GALNT8: variants seen among roughly 807,000 people sequenced by gnomAD.
The protein encoded by GALNT8 is probable polypeptide N-acetylgalactosaminyltransferase 8.
GALNT8 carries 66 observed loss-of-function variants against 62.7 expected under a neutral mutation model. The ratio of observed to expected loss-of-function variants is 1.05; its 90% CI spans 0.86 to 1.29. The LOEUF (loss-of-function observed/expected upper bound fraction) is 1.29. Ranked by LOEUF, GALNT8 falls within the 50% of genes most tolerant of loss-of-function variation. The probability of loss-of-function intolerance (pLI) is 0.00; values close to 1 mark genes in which losing one functional copy is unlikely to be tolerated. For missense variants in GALNT8, 771 were observed against 791.8 expected (o/e 0.97, Z 0.32); for synonymous variants, 288 against 294.3 (o/e 0.98, Z 0.22).
At chr12:4,755,831 T>G (rs1166096229) in intron 6 of GALNT8, among the ~76,000 whole-genome samples, 2 of 152,206 alleles carry the variant, frequency 1.3e-5, no homozygotes, top group African/African-American at 2.4e-5. Context: ...CCAAACTCAG[T>G]GCCTTAAAGC....
chr12:4,771,068 G>A (rs901169391), intron 10 of GALNT8, among the ~76,000 whole-genome samples: 2 of 152,184 alleles, frequency 1.3e-5, no homozygotes, highest in Admixed American at 6.5e-5. Flanking sequence ...CTGATGGCTT[G>A]CAGGGGACGG....
chr12:4,745,719 G>C lies in GALNT8; in HGVS notation c.1058+93G>C. ...TGTTTATCTTTGGTGGTAGTAATTG[G>C]GGTGACGTGGAAGGAGGGGAGGGGA... On this transcript the variant is annotated intron_variant, in intron 5 of 10. Transcript: ENST00000252318. The C allele has an allele frequency of 5.4e-6, 5 of 933,126 alleles. No homozygotes were observed. In the South Asian group the frequency reaches 6.9e-5, roughly 13 times the overall value. 57.8% of individuals were successfully genotyped at this position (933,126 alleles called of 1,614,324 possible).
chr12:4,738,473 A>T (rs1946255751), intron 2 of GALNT8, among the ~76,000 whole-genome samples: 1 of 152,242 alleles, frequency 6.6e-6, no homozygotes, highest in African/African-American at 2.4e-5. Flanking sequence ...GAAAGTGCAA[A>T]GACTGCCCAT....
Position 4,739,218 on chromosome 12 carries a change from T to G in GALNT8, c.565T>G (p.Phe189Val). The G allele has an allele frequency of 6.2e-7, 1 of 1,613,136 alleles. No individual in the cohort carries two copies. The highest frequency in any genetic ancestry group is 8.5e-7 in the Non-Finnish European group (1 of 1,179,072). ...QLPSLSVILI[F>V]VNEALSIIQR... ...CCCATCCCTCAGTGTCATTCTCATA[T>G]TCGTGAATGAAGCTCTGTCCATTAT... Residue 189 changes from phenylalanine to valine, a missense_variant, in exon 3 of 11, where the codon TTC (phenylalanine) becomes GTC (valine). Transcript: ENST00000252318.
chr12:4,729,502 G>C (rs1259356631), intron 2 of GALNT8, among the ~76,000 whole-genome samples: 2 of 152,088 alleles, frequency 1.3e-5, no homozygotes, highest in African/African-American at 4.8e-5. Flanking sequence ...AACTTTTTCA[G>C]ATTCCACCTG....
intron 6 of GALNT8, among the ~76,000 whole-genome samples, chr12:4,756,995 CT>C (rs1946348286): frequency 6.6e-6 from 1 of 152,154 alleles, no homozygotes; most frequent in South Asian, 2.1e-4. Flanking sequence ...GGTGGTTCTC[CT>C]GATAGTGAGT....
chr12:4,746,627 C>T (rs1388849692), intron 6 of GALNT8, among the ~76,000 whole-genome samples: 2 of 152,130 alleles, frequency 1.3e-5, no homozygotes, highest in Admixed American at 6.5e-5. Context: ...GGCAGCGTGA[C>T]TAGGGAATGC....
chr12:4,747,581 C>T (rs1159932539), intron 6 of GALNT8, among the ~76,000 whole-genome samples: 1 of 152,024 alleles, frequency 6.6e-6, no homozygotes, highest in Admixed American at 6.6e-5. Flanking sequence ...GAATAATACT[C>T]TATTGCATAC....
At chr12:4,756,790 G>C (rs886818374) in intron 6 of GALNT8, among the ~76,000 whole-genome samples, 2 of 152,192 alleles carry the variant, frequency 1.3e-5, no homozygotes, top group African/African-American at 2.4e-5. Flanking sequence ...TGAATTTTGA[G>C]TCTTTTCTGG....
chr12:4,761,255 T>G (rs905920868), intron 7 of GALNT8, 112 bp downstream of exon 7: 18 of 796,870 alleles, frequency 2.3e-5, no homozygotes, highest in Non-Finnish European at 3.3e-5. Flanking sequence ...AGAATTAGGG[T>G]AAGGTCCTGA....
intron 10 of GALNT8, among the ~76,000 whole-genome samples, chr12:4,771,553 A>T (rs1217773329): frequency 6.6e-6 from 1 of 152,170 alleles, no homozygotes; most frequent in Non-Finnish European, 1.5e-5. Context: ...GTGCTCAAGA[A>T]CTTGGTGGCA....
chr12:4,770,502 C>G (rs1366365711), intron 10 of GALNT8, among the ~76,000 whole-genome samples: 1 of 151,792 alleles, frequency 6.6e-6, no homozygotes, highest in Non-Finnish European at 1.5e-5. Context: ...AATTATTGGT[C>G]ACAATAATTT....
At chr12:4,766,249 G>A (rs1029142363) in intron 10 of GALNT8, among the ~76,000 whole-genome samples, 2 of 152,218 alleles carry the variant, frequency 1.3e-5, no homozygotes, top group African/African-American at 2.4e-5. Flanking sequence ...ATTGGAGTCT[G>A]TTGTAGCTGA....
chr12:4,743,650 C>T (rs757761179), intron 3 of GALNT8, among the ~76,000 whole-genome samples: 34 of 152,248 alleles, frequency 2.2e-4, no homozygotes, highest in Non-Finnish European at 3.5e-4. Flanking sequence ...ACATCCAGGG[C>T]GTGCCACTTA....
chr12:4,731,483 T>A (rs1014751714), intron 2 of GALNT8, among the ~76,000 whole-genome samples: 14 of 152,226 alleles, frequency 9.2e-5, no homozygotes, highest in African/African-American at 3.4e-4. Context: ...TATTTCTTTC[T>A]CTTGCCTGAT....
chr12:4,734,622 A>G (rs935473729), intron 2 of GALNT8, among the ~76,000 whole-genome samples: 1 of 149,684 alleles, frequency 6.7e-6, no homozygotes, highest in Non-Finnish European at 1.5e-5. Context: ...TGGCGTCCAC[A>G]TGTGGCTGAT....
At chr12:4,734,597 C>G (rs10849134) in intron 2 of GALNT8, among the ~76,000 whole-genome samples, 1 of 151,606 alleles carries the variant, frequency 6.6e-6, no homozygotes, top group East Asian at 1.9e-4. Context: ...TCTTCACACC[C>G]TCCCACCTGT....
chr12:4,757,915 T>C (rs1397115410), intron 6 of GALNT8, among the ~76,000 whole-genome samples: 1 of 152,226 alleles, frequency 6.6e-6, no homozygotes, highest in Non-Finnish European at 1.5e-5. Flanking sequence ...ACCAGAGCTT[T>C]AGGTGAATTC....
Position 4,726,392 on chromosome 12 carries a change from C to A in GALNT8, c.212-140C>A. 1.6e-6 allele frequency: 1 copy of A among 637,024 alleles called. No homozygotes were observed. The allele number at this position is 637,024 out of a possible 1,614,324, so 39.5% of individuals were successfully genotyped here. On this transcript the variant is annotated intron_variant, in intron 1 of 10. Coordinates refer to ENST00000252318, the MANE Select transcript of GALNT8 (RefSeq NM_017417.2). This position sits in a 1 kb window ranked among gnomAD's most constrained non-coding sequence, Gnocchi z 4.1. The stretch of plus-strand genomic sequence containing the variant: ...GCTGGATAAGTTCCCTGACATACTA[C>A]ATCCTCTGTGACAAGAGCTTATAAG...
Sources: gnomAD v4.1 joint callset for allele counts (sites outside exome capture counted in the v4.1 genomes callset) on GRCh38, gnomAD v4.1.1 for gene constraint, Gnocchi (gnomAD v3.1) non-coding constraint, MANE v1.5 for transcripts, NCBI Gene and HGNC (gene_info 2026-07-23, HGNC 2026-07-21) for gene names.